Variants in ABCA13 observed in about 807,000 individuals in gnomAD.
ABCA13 encodes the protein ATP binding cassette subfamily A member 13.
In ABCA13, 476 loss-of-function variants were observed where a neutral mutation model predicts 478.7. That is an observed-to-expected ratio of 0.99 (90% CI 0.92 to 1.07). The LOEUF is 1.07. Among genes scored for constraint, ABCA13 ranks in the 50% least tolerant of loss-of-function variants. ABCA13 has a pLI of 0.00. For synonymous variants in ABCA13, 2,252 were observed against 2,158.9 expected (o/e 1.04, Z -1.20); for missense variants, 6,060 against 5,910.6 (o/e 1.03, Z -0.83).
At chr7:48,590,924 T>C (rs67875048) in intron 57 of ABCA13, among the ~76,000 whole-genome samples, 19,218 of 152,004 alleles carry the variant, frequency 0.13, 1,436 homozygotes, top group African/African-American at 0.18. Context: ...CTGTAGTTTG[T>C]CTGCTTTGTT....
chr7:48,298,562 T>TC, intron 23 of ABCA13, 75 bp downstream of exon 23: 1 of 1,498,902 alleles, frequency 6.7e-7, no homozygotes. Flanking sequence ...CACTGTGTTG[T>TC]CCTTTCTTCC....
chr7:48,516,814 T>C lies in ABCA13; in HGVS notation c.13730T>C (p.Ile4577Thr). 6.2e-7 allele frequency: 1 copy of C among 1,613,866 alleles called. No individual in the cohort carries two copies. Among genetic ancestry groups the C allele is most frequent in the Non-Finnish European group, 8.5e-7 (1 of 1,179,758 alleles). ...AFISYVSLNF[I>T]FGLCTMLITI... The stretch of plus-strand genomic sequence containing the variant: ...ATTTCCTATGTCTCACTAAACTTCA[T>C]CTTTGGCCTTTGTACCATGCTCATA... The change falls in exon 52 of 62, where the codon ATC (isoleucine) becomes ACC (threonine). Residue 4577 changes from isoleucine (I) to threonine (T), a missense_variant. This residue lies in a region of ABCA13 where 1,627 missense variants were observed against 1,571.0 expected (regional missense o/e 1.04). Coordinates refer to ENST00000435803, the MANE Select transcript of ABCA13 (RefSeq NM_152701.5).
chr7:48,620,763 G>A (rs1793058994), intron 59 of ABCA13, among the ~76,000 whole-genome samples: 1 of 152,172 alleles, frequency 6.6e-6, no homozygotes, highest in Admixed American at 6.5e-5. Context: ...GTGGCTAAGA[G>A]GAGGCAGGTG....
At chr7:48,176,948 A>G (rs1223177683) in intron 1 of ABCA13, among the ~76,000 whole-genome samples, 1 of 152,218 alleles carries the variant, frequency 6.6e-6, no homozygotes, top group Admixed American at 6.5e-5. Context: ...CTAAAACAAA[A>G]TAATCTCATT....
chr7:48,435,672 A>T (rs1378687595), intron 42 of ABCA13, among the ~76,000 whole-genome samples: 1 of 151,708 alleles, frequency 6.6e-6, no homozygotes, highest in Non-Finnish European at 1.5e-5. Flanking sequence ...GGCCTTTATT[A>T]TGTTTAGGTA....
intron 2 of ABCA13, among the ~76,000 whole-genome samples, chr7:48,194,692 G>C (rs1408441071): frequency 6.6e-6 from 1 of 152,160 alleles, no homozygotes; most frequent in African/African-American, 2.4e-5. Flanking sequence ...ACCCAAAACA[G>C]TGTGTCAGTT....
At chr7:48,481,280 A>G (rs1828732349) in intron 46 of ABCA13, 126 bp downstream of exon 46, 5 of 745,570 alleles carry the variant, frequency 6.7e-6, no homozygotes, top group South Asian at 1.7e-5. Context: ...TAAAAATTCC[A>G]CAGTGTGTGA....
At chr7:48,539,005 T>G (rs912875325) in intron 55 of ABCA13, among the ~76,000 whole-genome samples, 9 of 152,208 alleles carry the variant, frequency 5.9e-5, no homozygotes, top group African/African-American at 9.6e-5. Flanking sequence ...CAATTGCAGC[T>G]GGATTCAGAG....
At chr7:48,554,473 A>AT (rs959330431) in intron 55 of ABCA13, among the ~76,000 whole-genome samples, 2 of 151,768 alleles carry the variant, frequency 1.3e-5, no homozygotes, top group African/African-American at 4.8e-5. Flanking sequence ...ATATCTTTCC[A>AT]TTTTTTTATT....
In ABCA13 at chr7:48,279,719, G is replaced by T. The variant is rs1796773656; in HGVS notation, c.8525G>T (p.Arg2842Ile). ...AACTCTGAATGGATAACTTCCACAA[G>T]AACTTTGTTTCAGCCACTTTTTGAG... ...FNNSEWITST[R>I]TLFQPLFEIF... is the part of the protein sequence containing the mutation. Residue 2842 changes from arginine (R) to isoleucine (I), a missense_variant, in exon 18 of 62, where the codon AGA becomes ATA. By Grantham distance (97) the Arg-to-Ile change is moderately conservative. Around this residue, in one of 3 missense-constraint regions of ABCA13, gnomAD observed 4,423 missense variants for 4,309.1 expected, o/e 1.03. Coordinates refer to ENST00000435803, the MANE Select transcript of ABCA13 (RefSeq NM_152701.5). 6.2e-7 allele frequency: 1 copy of T among 1,613,454 alleles called. No homozygotes were observed. The highest frequency in any genetic ancestry group is 8.5e-7 in the Non-Finnish European group (1 of 1,179,706).
intron 55 of ABCA13, among the ~76,000 whole-genome samples, chr7:48,546,489 C>G (rs761200831): frequency 2.0e-5 from 3 of 151,652 alleles, no homozygotes; most frequent in Non-Finnish European, 4.4e-5. Flanking sequence ...TTAATCCTTC[C>G]TGTACTTTCC....
rs527729406 is a variant in ABCA13, at chr7:48,321,178, C to T, written c.9999+3882C>T. On this transcript the variant is annotated intron_variant, in intron 27 of 61. Transcript: ENST00000435803. ...TATTTTTAGTGTCACAAGTAGGAGG[C>T]GCTGCTGGCATCTGGAGGCTGGAGG... is the stretch of plus-strand genomic sequence containing the variant. Among the ~76,000 whole-genome samples the T allele has an allele frequency of 1.2e-4, 18 of 152,224 alleles. No individual in the cohort carries two copies. In the South Asian group the frequency reaches 2.9e-3, roughly 25 times the overall value.
At chr7:48,177,144 T>C (rs1016610965) in intron 1 of ABCA13, among the ~76,000 whole-genome samples, 5 of 152,254 alleles carry the variant, frequency 3.3e-5, no homozygotes, top group African/African-American at 1.2e-4. Flanking sequence ...AAGTAAAGTA[T>C]GTCTTATTTC....
chr7:48,398,761 A>C (rs1817198751), intron 38 of ABCA13, among the ~76,000 whole-genome samples: 2 of 152,242 alleles, frequency 1.3e-5, no homozygotes, highest in Admixed American at 6.5e-5. Context: ...TTTGTTTGAT[A>C]GTAATGAGAT....
chr7:48,623,940 G>A (rs900006956), intron 59 of ABCA13, among the ~76,000 whole-genome samples: 1 of 152,112 alleles, frequency 6.6e-6, no homozygotes, highest in African/African-American at 2.4e-5. Flanking sequence ...AGGGTAGGTC[G>A]TTAGGTTGAG....
chr7:48,429,103 G>T (rs979508085), intron 42 of ABCA13, among the ~76,000 whole-genome samples: 10 of 152,136 alleles, frequency 6.6e-5, no homozygotes, highest in Admixed American at 5.2e-4. Flanking sequence ...GTTCATCCAT[G>T]TTACAGCGTG....
At chr7:48,353,914 T>A (rs1335899491) in intron 31 of ABCA13, among the ~76,000 whole-genome samples, 1 of 152,034 alleles carries the variant, frequency 6.6e-6, no homozygotes, top group Non-Finnish European at 1.5e-5. Context: ...TGTAAAATGA[T>A]AGCTTTTCTT....
chr7:48,515,022 C>T (rs1199782676), intron 51 of ABCA13, among the ~76,000 whole-genome samples: 1 of 151,920 alleles, frequency 6.6e-6, no homozygotes, highest in Non-Finnish European at 1.5e-5. Flanking sequence ...GAAAGCATTC[C>T]AACATCATGG....
chr7:48,314,547 A>C, intron 26 of ABCA13, 138 bp downstream of exon 26: 1 of 795,676 alleles, frequency 1.3e-6, no homozygotes, highest in Non-Finnish European at 1.9e-6. Context: ...CACCTCCCCA[A>C]ATGCTGGCAT....
Sources: allele counts gnomAD v4.1 joint callset (sites outside exome capture counted in the v4.1 genomes callset), GRCh38; gene constraint gnomAD v4.1.1; regional missense constraint gnomAD v4.1.1; transcripts MANE v1.5; gene names NCBI Gene and HGNC (gene_info 2026-07-23, HGNC 2026-07-21).